The following RMI2 variants were observed in gnomAD, a reference collection of about 807,000 sequenced individuals.
The protein encoded by RMI2 is RecQ mediated genome instability 2.
RMI2 carries 11 observed loss-of-function variants against 8.4 expected under a neutral mutation model. The ratio of observed to expected loss-of-function variants is 1.32; its 90% CI spans 0.83 to 2.18. RMI2 has a LOEUF of 2.18. RMI2 is among the 30% of genes most tolerant of loss of function. RMI2 has a pLI of 0.00. For missense variants in RMI2, 253 were observed against 207.5 expected (o/e 1.22, Z -1.35); for synonymous variants, 105 against 93.8 (o/e 1.12, Z -0.69).
chr16:11,350,367 G>A (rs2070950279), intron 1 of RMI2, among the ~76,000 whole-genome samples: 1 of 152,174 alleles, frequency 6.6e-6, no homozygotes, highest in East Asian at 1.9e-4. Flanking sequence ...AAGGTGGGTG[G>A]ATCACCTGAG....
At position 11,351,632 on chromosome 16, in the gene RMI2, G is replaced by T. The variant is rs1025060108; in HGVS notation, c.*842G>T. The T allele has an allele frequency of 1.3e-5, 3 of 231,182 alleles. No homozygotes were observed. The highest frequency in any genetic ancestry group is 2.6e-5 in the Non-Finnish European group (3 of 116,850). The allele number at this position is 231,182 out of a possible 1,614,324, so 14.3% of individuals were successfully genotyped here. On this transcript the variant is annotated 3_prime_UTR_variant, in exon 2 of 2. Transcript: ENST00000312499. ...TGGTTTTGAATGTTGGGTTTCTGCT[G>T]TCTGCTTAGTACCCATGCCTGAATT...
chr16:11,347,934 C>T (rs2070901961), intron 1 of RMI2, among the ~76,000 whole-genome samples: 1 of 152,138 alleles, frequency 6.6e-6, no homozygotes, highest in African/African-American at 2.4e-5. Flanking sequence ...GTGTGCACCA[C>T]CACACCCGGC....
rs370560190 is a variant in RMI2, at chr16:11,345,875, G to T, written c.295+109G>T. The T allele has an allele frequency of 1.4e-5, 13 of 959,346 alleles. No individual in the cohort carries two copies. In the East Asian group the frequency reaches 2.3e-4, roughly 17 times the overall value. 59.4% of individuals were successfully genotyped at this position (959,346 alleles called of 1,614,324 possible). A position where few individuals can be genotyped will look rare whatever the true frequency, so the allele number is the denominator to read the frequency against. Reference sequence around the variant, plus strand: ...ACTCGAACGGGGGCGGGGCGGGTCTGGCCCTCCTCCGGGCCTCTGCCCCTG... The same window carrying T: ...ACTCGAACGGGGGCGGGGCGGGTCTTGCCCTCCTCCGGGCCTCTGCCCCTG... On this transcript the variant is annotated intron_variant, in intron 1 of 1. Transcript: ENST00000312499.
intron 1 of RMI2, among the ~76,000 whole-genome samples, chr16:11,346,518 C>T (rs997664670): frequency 6.6e-6 from 1 of 152,156 alleles, no homozygotes; most frequent in Non-Finnish European, 1.5e-5. Flanking sequence ...ATCTCGGCCT[C>T]CCAAAGTGCT....
Position 11,345,569 on chromosome 16 carries a change from A to G in RMI2, c.98A>G (p.Asp33Gly), listed in dbSNP as rs1251689809. 3 of 1,227,532 alleles carry G rather than the reference A, an allele frequency of 2.4e-6. No homozygotes were observed. In the African/African-American group the frequency reaches 4.7e-5, roughly 19 times the overall value. The allele number at this position is 1,227,532 out of a possible 1,614,324, so 76.0% of individuals were successfully genotyped here. A position where few individuals can be genotyped will look rare whatever the true frequency, so the allele number is the denominator to read the frequency against. The change falls in exon 1 of 2, where the codon GAC (aspartate) becomes GGC (glycine). Residue 33 changes from aspartate (D) to glycine (G), a missense_variant. Coordinates refer to ENST00000312499, the MANE Select transcript of RMI2 (RefSeq NM_152308.3). ...GTGCTGGCGGAGCAGCTGCGGCGCG[A>G]CGCGGAGGGCGGCCCGGGCGCGTGG... ...LKVLAEQLRR[D>G]AEGGPGAWRL...
At chr16:11,347,195 C>A (rs930417888) in intron 1 of RMI2, among the ~76,000 whole-genome samples, 1 of 152,170 alleles carries the variant, frequency 6.6e-6, no homozygotes, top group Non-Finnish European at 1.5e-5. Context: ...CTTTGGGGAG[C>A]CATGAGGATG....
rs752918253 is a variant in RMI2, at chr16:11,350,739, T to G, written c.393T>G (p.His131Gln). The G allele has an allele frequency of 1.2e-6, 2 of 1,613,276 alleles. No homozygotes were observed. Among genetic ancestry groups the G allele is most frequent in the Admixed American group, 3.3e-5 (2 of 59,976 alleles). Residue 131 changes from histidine to glutamine, a missense_variant, in exon 2 of 2, where the codon CAT becomes CAG. Transcript: ENST00000312499. The stretch of plus-strand genomic sequence containing the variant: ...CAGACCTTTCTGATAATCCCATCCA[T>G]GAAAGTATGTGGGAACTGGAGGTAG... ...KMTDLSDNPI[H>Q]ESMWELEVED...
At position 11,350,950 on chromosome 16, in the gene RMI2, A is replaced by C; in HGVS notation, c.*160A>C. 1 of 556,146 alleles carries C rather than the reference A, an allele frequency of 1.8e-6. No individual in the cohort carries two copies. Among genetic ancestry groups the C allele is most frequent in the Non-Finnish European group, 3.1e-6 (1 of 326,454 alleles). 34.5% of individuals were successfully genotyped at this position (556,146 alleles called of 1,614,324 possible). On this transcript the variant is annotated 3_prime_UTR_variant, in exon 2 of 2. Transcript: ENST00000312499. The stretch of plus-strand genomic sequence containing the variant: ...AAGGAGTCCGGATGTAGGAATGTTT[A>C]AATCCTCGGATACTTCAGTGACACA...
intron 1 of RMI2, among the ~76,000 whole-genome samples, chr16:11,347,680 T>A (rs2070897056): frequency 6.6e-6 from 1 of 152,232 alleles, no homozygotes; most frequent in African/African-American, 2.4e-5. Flanking sequence ...TCTGTCTGCC[T>A]GCCCTCAGCC....
chr16:11,345,509 CG>C lies in RMI2; in HGVS notation c.43del (p.Val15CysfsTer50). On this transcript the variant is annotated frameshift_variant, in exon 1 of 2. Coordinates refer to ENST00000312499, the MANE Select transcript of RMI2 (RefSeq NM_152308.3). LOFTEE classifies it high-confidence loss of function. The stretch of plus-strand genomic sequence containing the variant: ...GCGGACTCGTTCTCAGGCGGCCCCG[CG>C]GGGGTGCGGCTTCCGAGGTCGCCGC... The part of the protein sequence containing the change: ...AAADSFSGGP[A>X]GVRLPRSPPL... The C allele has an allele frequency of 4.6e-6, 6 of 1,304,976 alleles. No homozygotes were observed. Among genetic ancestry groups the C allele is most frequent in the Admixed American group, 3.2e-5 (1 of 31,540 alleles). The allele number at this position is 1,304,976 out of a possible 1,614,324, so 80.8% of individuals were successfully genotyped here.
Position 11,351,704 on chromosome 16 carries a change from G to C in RMI2, c.*914G>C, listed in dbSNP as rs2070978639. 4.5e-6 allele frequency: 1 copy of C among 222,168 alleles called. No individual in the cohort carries two copies. The highest frequency in any genetic ancestry group is 2.2e-5 in the African/African-American group (1 of 44,714). The allele number at this position is 222,168 out of a possible 1,614,324, so 13.8% of individuals were successfully genotyped here. A position where few individuals can be genotyped will look rare whatever the true frequency, so the allele number is the denominator to read the frequency against. ...AGGAGTTAGATTGTGTTCTGACATG[G>C]TTGTAGACTTTCACCTGGATTATTG... On this transcript the variant is annotated 3_prime_UTR_variant, in exon 2 of 2. Transcript: ENST00000312499.
At position 11,351,581 on chromosome 16, in the gene RMI2, T is replaced by G. The variant is rs1319321291; in HGVS notation, c.*791T>G. 4.3e-6 allele frequency: 1 copy of G among 232,030 alleles called. No homozygotes were observed. Among genetic ancestry groups the G allele is most frequent in the South Asian group, 1.8e-4 (1 of 5,520 alleles). 14.4% of individuals were successfully genotyped at this position (232,030 alleles called of 1,614,324 possible). A position where few individuals can be genotyped will look rare whatever the true frequency, so the allele number is the denominator to read the frequency against. Reference sequence around the variant, plus strand: ...CTCCTGGTGTAGAGTTCTTTTGTCTTTGTATGGAATGACTTTTTGCTGTGA... The same window carrying G: ...CTCCTGGTGTAGAGTTCTTTTGTCTGTGTATGGAATGACTTTTTGCTGTGA... On this transcript the variant is annotated 3_prime_UTR_variant, in exon 2 of 2. Coordinates refer to ENST00000312499, the MANE Select transcript of RMI2 (RefSeq NM_152308.3).
chr16:11,350,638 C>T lies in RMI2; in HGVS notation c.296-4C>T. On this transcript the variant is annotated splice_polypyrimidine_tract_variant and splice_region_variant and intron_variant, in intron 1 of 1. Coordinates refer to ENST00000312499, the MANE Select transcript of RMI2 (RefSeq NM_152308.3). ...ATTACTATGGGCTTTTCTTCTTTTT[C>T]TAGGAAAGTATGTGATGGTGATGGG... 6.5e-7 allele frequency: 1 copy of T among 1,543,464 alleles called. No individual in the cohort carries two copies. Among genetic ancestry groups the T allele is most frequent in the East Asian group, 2.3e-5 (1 of 42,556 alleles).
chr16:11,346,757 A>T (rs1026190160), intron 1 of RMI2, among the ~76,000 whole-genome samples: 66 of 151,928 alleles, frequency 4.3e-4, no homozygotes, highest in African/African-American at 1.6e-3. Context: ...CATACTTTCG[A>T]CTTTTTAAAT....
chr16:11,346,236 A>G (rs375037642), intron 1 of RMI2, among the ~76,000 whole-genome samples: 2 of 141,652 alleles, frequency 1.4e-5, no homozygotes, highest in Non-Finnish European at 3.0e-5. Context: ...GCTGTAGCTC[A>G]CTCATGTTTG....
intron 1 of RMI2, among the ~76,000 whole-genome samples, chr16:11,347,807 A>C (rs1401147813): frequency 6.6e-6 from 1 of 152,152 alleles, no homozygotes; most frequent in Non-Finnish European, 1.5e-5. Context: ...TTGAGACAGA[A>C]TCTCGCTCTG....
At position 11,345,687 on chromosome 16, in the gene RMI2, T is replaced by G. The variant is rs2141209798; in HGVS notation, c.216T>G (p.Ala72=). The change falls in exon 1 of 2, where the codon GCT becomes GCG. Residue 72 remains alanine, a synonymous_variant. Coordinates refer to ENST00000312499, the MANE Select transcript of RMI2 (RefSeq NM_152308.3). ...GRVVMADRGE[A]RLRDPSGDFS... ...TAGTGATGGCGGACCGCGGCGAGGC[T>G]CGGCTGAGGGACCCGAGCGGGGACT... 1 of 1,270,980 alleles carries G rather than the reference T, an allele frequency of 7.9e-7. No individual in the cohort carries two copies. Among genetic ancestry groups the G allele is most frequent in the Non-Finnish European group, 9.9e-7 (1 of 1,010,304 alleles). The allele number at this position is 1,270,980 out of a possible 1,614,324, so 78.7% of individuals were successfully genotyped here.
chr16:11,349,488 C>G lies in RMI2; in HGVS notation c.296-1154C>G, dbSNP rs547478915. ...TGTTCCCCTCTCCCGGTTGGAATGC[C>G]CTTGGGCTTGTTTTTCTCTTCGTGG... On this transcript the variant is annotated intron_variant, in intron 1 of 1. Transcript: ENST00000312499. The surrounding 1 kb of genome is among the most constrained non-coding windows in gnomAD (Gnocchi z 4.2). Among the ~76,000 whole-genome samples the G allele has an allele frequency of 3.3e-5, 5 of 152,206 alleles. No homozygotes were observed. In the East Asian group the frequency reaches 9.6e-4, roughly 29 times the overall value.
chr16:11,346,771 T>C (rs991250109), intron 1 of RMI2, among the ~76,000 whole-genome samples: 2 of 152,140 alleles, frequency 1.3e-5, no homozygotes, highest in Non-Finnish European at 2.9e-5. Flanking sequence ...TTTAAATGTT[T>C]TATTTATTTG....
Sources: allele counts gnomAD v4.1 joint callset (sites outside exome capture counted in the v4.1 genomes callset), GRCh38; gene constraint gnomAD v4.1.1; non-coding constraint Gnocchi (gnomAD v3.1); transcripts MANE v1.5; gene names NCBI Gene and HGNC (gene_info 2026-07-23, HGNC 2026-07-21).